The following ROBO1 variants were observed in gnomAD, a reference collection of about 807,000 sequenced individuals.
ROBO1 encodes roundabout guidance receptor 1.
A neutral mutation model predicts 195.9 loss-of-function variants in ROBO1; 149 were observed. The ratio of observed to expected loss-of-function variants is 0.76; its 90% CI spans 0.67 to 0.87. The LOEUF is 0.87. Among genes scored for constraint, ROBO1 ranks in the 40% least tolerant of loss-of-function variants. The probability of loss-of-function intolerance (pLI) is 0.00; values close to 1 mark genes in which losing one functional copy is unlikely to be tolerated. For synonymous variants in ROBO1, 816 were observed against 733.2 expected, an observed-to-expected ratio of 1.11 and a Z score of -1.82; for missense variants, 1,933 against 2,068.3, an observed-to-expected ratio of 0.93 and a Z score of 1.27.
At chr3:78,628,918 G>A (rs1406590295) in intron 25 of ROBO1, among the ~76,000 whole-genome samples, 1 of 151,622 alleles carries the variant, frequency 6.6e-6, no homozygotes, top group Non-Finnish European at 1.5e-5. Flanking sequence ...TGGTCTCCTA[G>A]CCTCCCAGTC....
chr3:79,008,975 T>C (rs976017661), intron 3 of ROBO1, among the ~76,000 whole-genome samples: 1 of 151,164 alleles, frequency 6.6e-6, no homozygotes, highest in Non-Finnish European at 1.5e-5. Flanking sequence ...AGTCTCGCTG[T>C]TGTCACCTGA....
intron 2 of ROBO1, among the ~76,000 whole-genome samples, chr3:79,551,999 A>AC (rs1179868334): frequency 7.4e-5 from 9 of 121,580 alleles, no homozygotes; most frequent in African/African-American, 2.4e-4. Flanking sequence ...AAAAAAAAAA[A>AC]AAAAAAAAAA....
At chr3:79,703,844 C>A (rs1947690569) in intron 1 of ROBO1, among the ~76,000 whole-genome samples, 1 of 151,864 alleles carries the variant, frequency 6.6e-6, no homozygotes, top group South Asian at 2.1e-4. Context: ...TTTAGAGTTT[C>A]ATTGGACCAC....
chr3:79,458,165 G>C (rs1038384328), intron 2 of ROBO1, among the ~76,000 whole-genome samples: 1 of 152,134 alleles, frequency 6.6e-6, no homozygotes, highest in African/African-American at 2.4e-5. Flanking sequence ...TGAAATAAAG[G>C]GGAGGGAGTC....
In ROBO1 at chr3:79,691,901, A is replaced by C. The variant is rs564822443; in HGVS notation, c.-51+75851T>G. Among the ~76,000 whole-genome samples the C allele has an allele frequency of 8.6e-4, 130 of 152,024 alleles. 1 individual carries two copies. The highest frequency in any genetic ancestry group is 2.9e-3 in the African/African-American group (122 of 41,530). ...CATGTGTTCTTTTGATTTCTCATTC[A>C]TGAAGCACATTTTTGGCTTAGTTTT... On this transcript the variant is annotated intron_variant, in intron 1 of 30. Transcript: ENST00000464233.
chr3:79,057,647 C>G (rs1025608172), intron 3 of ROBO1, among the ~76,000 whole-genome samples: 7 of 152,080 alleles, frequency 4.6e-5, no homozygotes, highest in African/African-American at 1.7e-4. Context: ...CTGTTCTTCT[C>G]TTCCTCCTTC....
intron 5 of ROBO1, among the ~76,000 whole-genome samples, chr3:78,727,703 T>A (rs1427869044): frequency 6.6e-6 from 1 of 152,206 alleles, no homozygotes; most frequent in African/African-American, 2.4e-5. Flanking sequence ...AACATACACA[T>A]TAATAATTTT....
chr3:79,160,890 G>A lies in ROBO1; in HGVS notation c.89-35351C>T, dbSNP rs531062515. On this transcript the variant is annotated intron_variant, in intron 2 of 30. Transcript: ENST00000464233. ...CCAACCTCAAGTAGGTAATATTAAC[G>A]TTACACAAAGTCATTTTTTACTATG... 2.0e-5 allele frequency among the ~76,000 whole-genome samples: 3 copies of A among 152,018 alleles called. No individual in the cohort carries two copies. In the South Asian group the frequency reaches 6.2e-4, roughly 31 times the overall value.
rs183300360 is a variant in ROBO1, at chr3:79,702,506, A to G, written c.-51+65246T>C. ...ACTGATCCCCTCAGTTCACAACAGC[A>G]TACCTGCTACTTTTCCTGGGATCCA... On this transcript the variant is annotated intron_variant, in intron 1 of 30. Transcript: ENST00000464233. 1.5e-3 allele frequency among the ~76,000 whole-genome samples: 234 copies of G among 152,074 alleles called. 1 individual carries two copies. Among genetic ancestry groups the G allele is most frequent in the African/African-American group, 5.5e-3 (229 of 41,548 alleles).
chr3:78,938,464 T>C, intron 4 of ROBO1, 137 bp downstream of exon 4: 1 of 677,470 alleles, frequency 1.5e-6, no homozygotes, highest in East Asian at 2.8e-5. Context: ...AAATAGTAGA[T>C]TGTATTCACA....
intron 3 of ROBO1, among the ~76,000 whole-genome samples, chr3:79,097,442 G>C (rs1410008902): frequency 6.6e-6 from 1 of 151,720 alleles, no homozygotes; most frequent in Non-Finnish European, 1.5e-5. Context: ...TAATTCATGT[G>C]TTCATTGAAA....
intron 10 of ROBO1, among the ~76,000 whole-genome samples, chr3:78,672,828 T>C (rs554013608): frequency 4.7e-4 from 72 of 152,246 alleles, no homozygotes; most frequent in South Asian, 2.3e-3. Flanking sequence ...TAGAATGAAT[T>C]ATCCAGAAAT....
chr3:79,121,771 C>T (rs1414223426), intron 3 of ROBO1, among the ~76,000 whole-genome samples: 1 of 151,858 alleles, frequency 6.6e-6, no homozygotes, highest in African/African-American at 2.4e-5. Context: ...ATATTTTAGA[C>T]ATTTCAAGTC....
chr3:79,137,603 T>C (rs2080436424), intron 2 of ROBO1, among the ~76,000 whole-genome samples: 1 of 152,064 alleles, frequency 6.6e-6, no homozygotes, highest in African/African-American at 2.4e-5. Context: ...ATGTAATGCT[T>C]ACAGTTCTAT....
intron 1 of ROBO1, among the ~76,000 whole-genome samples, chr3:79,604,496 C>T (rs1944426643): frequency 6.6e-6 from 1 of 151,906 alleles, no homozygotes; most frequent in African/African-American, 2.4e-5. Context: ...CTATTTTAGT[C>T]ACTTTAAATG....
At chr3:79,210,126 C>T (rs1444741290) in intron 2 of ROBO1, among the ~76,000 whole-genome samples, 1 of 152,056 alleles carries the variant, frequency 6.6e-6, no homozygotes, top group East Asian at 1.9e-4. Flanking sequence ...AATGCAATTC[C>T]CATCAAAATA....
intron 3 of ROBO1, among the ~76,000 whole-genome samples, chr3:79,113,545 A>G (rs1235288282): frequency 6.6e-6 from 1 of 152,104 alleles, no homozygotes; most frequent in African/African-American, 2.4e-5. Context: ...ACGTGGGTGG[A>G]TCACCTGAGG....
chr3:79,453,499 A>C (rs533454138), intron 2 of ROBO1, among the ~76,000 whole-genome samples: 1 of 152,208 alleles, frequency 6.6e-6, no homozygotes, highest in East Asian at 1.9e-4. Context: ...GCTCTAACTT[A>C]GGCATTTTCA....
intron 1 of ROBO1, among the ~76,000 whole-genome samples, chr3:79,753,994 C>T (rs957985884): frequency 6.6e-6 from 1 of 152,086 alleles, no homozygotes; most frequent in African/African-American, 2.4e-5. Context: ...CCAAAAAGGA[C>T]ACTATTTCAT....
Sources: allele counts gnomAD v4.1 joint callset (sites outside exome capture counted in the v4.1 genomes callset), GRCh38; gene constraint gnomAD v4.1.1; transcripts MANE v1.5; gene names NCBI Gene and HGNC (gene_info 2026-07-23, HGNC 2026-07-21).